The following LIN52 variants were observed in gnomAD, a reference collection of about 807,000 sequenced individuals.
LIN52 encodes protein lin-52 homolog.
In LIN52, 4 loss-of-function variants were observed where a neutral mutation model predicts 18.5. The observed-to-expected ratio is 0.22, with a 90% confidence interval of 0.11 to 0.49. The LOEUF (loss-of-function observed/expected upper bound fraction) is 0.49, where lower values mean the gene tolerates loss of function less well. Ranked by LOEUF, LIN52 falls within the 20% of genes least tolerant of loss-of-function variation. The pLI, the probability that LIN52 is intolerant of heterozygous loss-of-function variation, is 0.97. For synonymous variants in LIN52, 34 were observed against 45.5 expected (o/e 0.75, Z 1.02); for missense variants, 102 against 139.5 (o/e 0.73, Z 1.35).
intron 1 of LIN52, among the ~76,000 whole-genome samples, chr14:74,090,597 A>T (rs1326220220): frequency 1.3e-5 from 2 of 151,710 alleles, no homozygotes; most frequent in South Asian, 2.1e-4. Context: ...GGCCTCCCAA[A>T]GTGCTGGGAT....
chr14:74,163,414 T>A (rs2061234751), intron 5 of LIN52, among the ~76,000 whole-genome samples: 1 of 152,140 alleles, frequency 6.6e-6, no homozygotes, highest in Non-Finnish European at 1.5e-5. Flanking sequence ...CTATTAATAG[T>A]CTGCCAGTTG....
At chr14:74,189,522 G>A (rs930350923) in intron 5 of LIN52, among the ~76,000 whole-genome samples, 10 of 152,162 alleles carry the variant, frequency 6.6e-5, no homozygotes, top group African/African-American at 2.2e-4. Flanking sequence ...ATCTTTGGGG[G>A]TTTTTTGCTG....
intron 5 of LIN52, among the ~76,000 whole-genome samples, chr14:74,152,523 A>G (rs1024396626): frequency 6.6e-6 from 1 of 152,110 alleles, no homozygotes; most frequent in African/African-American, 2.4e-5. Flanking sequence ...CATTGTCGCC[A>G]TTTTACAGTT....
chr14:74,161,184 A>C (rs1418158162), intron 5 of LIN52, among the ~76,000 whole-genome samples: 1 of 151,884 alleles, frequency 6.6e-6, no homozygotes, highest in Non-Finnish European at 1.5e-5. Context: ...AACAGGGAAA[A>C]ATTTATTTAT....
At position 74,091,168 on chromosome 14, in the gene LIN52, T is replaced by C. The variant is rs900271507; in HGVS notation, c.20-64T>C. 2.2e-5 allele frequency: 26 copies of C among 1,169,882 alleles called. 1 individual carries two copies. Among genetic ancestry groups the C allele is most frequent in the South Asian group, 2.1e-4 (16 of 74,506 alleles). The allele number at this position is 1,169,882 out of a possible 1,614,324, so 72.5% of individuals were successfully genotyped here. On this transcript the variant is annotated intron_variant, in intron 1 of 5. Transcript: ENST00000555028. ...GTGTTCCAGTTTATGTCCTTTGAGA[T>C]TGAAGTATCATATACATTAATGTGT...
At chr14:74,123,736 A>C (rs1387106323) in intron 5 of LIN52, among the ~76,000 whole-genome samples, 1 of 152,146 alleles carries the variant, frequency 6.6e-6, no homozygotes, top group Non-Finnish European at 1.5e-5. Flanking sequence ...AATGATAGTA[A>C]AAGTGATGGA....
chr14:74,150,158 T>C (rs1417464375), intron 5 of LIN52, among the ~76,000 whole-genome samples: 1 of 152,186 alleles, frequency 6.6e-6, no homozygotes, highest in Non-Finnish European at 1.5e-5. Context: ...TTATGCTATG[T>C]ACCCTAGAAA....
intron 5 of LIN52, among the ~76,000 whole-genome samples, chr14:74,189,186 A>G (rs946556408): frequency 4.6e-5 from 7 of 152,184 alleles, no homozygotes; most frequent in African/African-American, 1.7e-4. Flanking sequence ...CTTACATGAT[A>G]GATTATTATT....
At chr14:74,085,057 T>G (rs2060715769) in intron 1 of LIN52, 64 bp downstream of exon 1, 1 of 1,285,598 alleles carries the variant, frequency 7.8e-7, no homozygotes, top group East Asian at 2.8e-5. Context: ...GAACATCCAC[T>G]CTGTCTCTGC....
intron 5 of LIN52, among the ~76,000 whole-genome samples, chr14:74,104,801 C>A (rs1028633697): frequency 1.6e-4 from 25 of 151,784 alleles, no homozygotes; most frequent in Admixed American, 7.9e-4. Flanking sequence ...ATCTACAGAA[C>A]AAATGACTAG....
At chr14:74,123,433 A>G (rs1369175294) in intron 5 of LIN52, among the ~76,000 whole-genome samples, 1 of 152,232 alleles carries the variant, frequency 6.6e-6, no homozygotes, top group Non-Finnish European at 1.5e-5. Context: ...AGGTGTATAT[A>G]GGAAGAAGAA....
chr14:74,187,681 T>C (rs2061347005), intron 5 of LIN52, among the ~76,000 whole-genome samples: 2 of 152,244 alleles, frequency 1.3e-5, no homozygotes, highest in South Asian at 4.1e-4. Context: ...AAATATTTGT[T>C]AACATCTGTG....
At chr14:74,102,846 T>C (rs1032118553) in intron 5 of LIN52, among the ~76,000 whole-genome samples, 2 of 152,232 alleles carry the variant, frequency 1.3e-5, no homozygotes, top group African/African-American at 4.8e-5. Flanking sequence ...GCTTTCCTAC[T>C]GAGAAAGGTA....
At chr14:74,116,416 A>G (rs891942727) in intron 5 of LIN52, among the ~76,000 whole-genome samples, 4 of 152,208 alleles carry the variant, frequency 2.6e-5, no homozygotes, top group Non-Finnish European at 2.9e-5. Flanking sequence ...ATTAAAAAAC[A>G]TTAAAGGGGC....
rs188253749 is a variant in LIN52 at position 74,093,633 on chromosome 14, A to G, written c.95-2315A>G. 1.9e-3 allele frequency among the ~76,000 whole-genome samples: 282 copies of G among 152,302 alleles called. 1 individual carries two copies. The highest frequency in any genetic ancestry group is 8.5e-3 in the South Asian group (41 of 4,828). ...GAACCACTGCACCTGGCCCACTCTT[A>G]TAACGTTAACCACTGTTAATCGTAC... On this transcript the variant is annotated intron_variant, in intron 2 of 5. Transcript: ENST00000555028.
intron 5 of LIN52, among the ~76,000 whole-genome samples, chr14:74,148,817 A>T (rs1217140230): frequency 6.6e-6 from 1 of 152,224 alleles, no homozygotes; most frequent in Non-Finnish European, 1.5e-5. Flanking sequence ...ACTTTACATC[A>T]TAATTTGGCC....
At chr14:74,130,139 C>T (rs959959488) in intron 5 of LIN52, among the ~76,000 whole-genome samples, 12 of 151,936 alleles carry the variant, frequency 7.9e-5, no homozygotes, top group African/African-American at 2.4e-4. Flanking sequence ...TCCTACAACA[C>T]GTGGGAATTA....
intron 5 of LIN52, among the ~76,000 whole-genome samples, chr14:74,124,078 G>A (rs1468472763): frequency 1.3e-5 from 2 of 151,922 alleles, no homozygotes; most frequent in African/African-American, 2.4e-5. Flanking sequence ...TTTTTTACAA[G>A]ATGATCATGG....
chr14:74,165,357 C>T (rs1386511970), intron 5 of LIN52, among the ~76,000 whole-genome samples: 3 of 151,846 alleles, frequency 2.0e-5, no homozygotes, highest in Non-Finnish European at 4.4e-5. Context: ...GGTAGCAATA[C>T]AGGCACTTTT....
Sources: allele counts gnomAD v4.1 joint callset (sites outside exome capture counted in the v4.1 genomes callset), GRCh38; gene constraint gnomAD v4.1.1; transcripts MANE v1.5; gene names NCBI Gene and HGNC (gene_info 2026-07-23, HGNC 2026-07-21).